Variants in DGKG observed in about 807,000 individuals in gnomAD.
The protein encoded by DGKG is DAG kinase gamma.
DGKG carries 78 observed loss-of-function variants against 105.3 expected under a neutral mutation model. The observed-to-expected ratio is 0.74, with a 90% CI of 0.62 to 0.89. The LOEUF is 0.89. Ranked by LOEUF, DGKG falls within the 40% of genes least tolerant of loss-of-function variation. DGKG has a pLI of 0.00. For missense variants in DGKG, 958 were observed against 1,020.1 expected (o/e 0.94, Z 0.83); for synonymous variants, 346 against 367.1 (o/e 0.94, Z 0.66).
intron 1 of DGKG, among the ~76,000 whole-genome samples, chr3:186,333,189 T>A (rs1012031516): frequency 1.3e-5 from 2 of 152,106 alleles, no homozygotes; most frequent in East Asian, 3.9e-4. Context: ...GTGGTCCTCA[T>A]CCCAGCAGCA....
chr3:186,199,314 A>C (rs1718334939), intron 21 of DGKG, among the ~76,000 whole-genome samples: 1 of 152,156 alleles, frequency 6.6e-6, no homozygotes, highest in African/African-American at 2.4e-5. Context: ...CTTACAGAAC[A>C]GTGGCTTCTC....
chr3:186,224,668 T>C (rs1719762290), intron 20 of DGKG, among the ~76,000 whole-genome samples: 1 of 152,178 alleles, frequency 6.6e-6, no homozygotes, highest in African/African-American at 2.4e-5. Context: ...AGCTCTACAA[T>C]ATCAAACAGA....
intron 24 of DGKG, chr3:186,161,200 G>A: frequency 1.0e-6 from 1 of 986,248 alleles, no homozygotes; most frequent in Non-Finnish European, 1.2e-6. Flanking sequence ...GTGTAGATTT[G>A]GCTTCCACGT....
intron 24 of DGKG, among the ~76,000 whole-genome samples, chr3:186,153,806 T>C (rs1051573369): frequency 2.0e-5 from 3 of 152,180 alleles, no homozygotes; most frequent in African/African-American, 7.2e-5. Context: ...CCCAAACCAT[T>C]TGAAAGGTGT....
chr3:186,153,953 A>T (rs1266148791), intron 24 of DGKG, among the ~76,000 whole-genome samples: 2 of 152,104 alleles, frequency 1.3e-5, no homozygotes, highest in Non-Finnish European at 2.9e-5. Context: ...AAAAATACAA[A>T]AATTAGCTAG....
chr3:186,253,972 C>T (rs1721342674), intron 17 of DGKG, among the ~76,000 whole-genome samples: 1 of 152,234 alleles, frequency 6.6e-6, no homozygotes, highest in South Asian at 2.1e-4. Context: ...ACTTCCACCA[C>T]CTCTCAGAAT....
chr3:186,299,829 CTTTCTTTCTTTT>C (rs529629569), intron 3 of DGKG, among the ~76,000 whole-genome samples: 2,857 of 107,760 alleles, frequency 0.027, 158 homozygotes, highest in African/African-American at 0.028. Flanking sequence ...TTCTTTCTTT[CTTTCTTTCTTTT>C]TTTTTTTTTT....
In DGKG at chr3:186,148,888, T is replaced by C. The variant is rs1715620517; in HGVS notation, c.*1202A>G. 2 of 983,342 alleles carry C rather than the reference T, an allele frequency of 2.0e-6. No individual in the cohort carries two copies. Among genetic ancestry groups the C allele is most frequent in the Non-Finnish European group, 2.4e-6 (2 of 829,256 alleles). 60.9% of individuals were successfully genotyped at this position (983,342 alleles called of 1,614,324 possible). ...GGGGAGTGAGAACCTTCTTTTTCCT[T>C]ACCACTTTCTGTCTCATACTACCTA... is the stretch of plus-strand genomic sequence containing the variant. On this transcript the variant is annotated 3_prime_UTR_variant, in exon 25 of 25. Coordinates refer to ENST00000265022, the MANE Select transcript of DGKG (RefSeq NM_001346.3).
intron 1 of DGKG, among the ~76,000 whole-genome samples, chr3:186,331,456 A>G (rs1238418980): frequency 2.0e-5 from 3 of 152,260 alleles, no homozygotes; most frequent in African/African-American, 7.2e-5. Flanking sequence ...TTAAATAAAC[A>G]TAAACACAAA....
chr3:186,233,195 G>A (rs1308411724), intron 20 of DGKG, among the ~76,000 whole-genome samples: 9 of 152,134 alleles, frequency 5.9e-5, no homozygotes, highest in Admixed American at 5.2e-4. Context: ...TTTTCTGGGT[G>A]GGTTCAGTGC....
chr3:186,262,902 G>C (rs1232186779), intron 14 of DGKG, among the ~76,000 whole-genome samples: 1 of 152,272 alleles, frequency 6.6e-6, no homozygotes, highest in South Asian at 2.1e-4. Context: ...GCCGGGGCAG[G>C]AGCATCACAA....
chr3:186,262,925 G>A (rs1470642097), intron 14 of DGKG, among the ~76,000 whole-genome samples: 6 of 151,996 alleles, frequency 3.9e-5, no homozygotes, highest in African/African-American at 1.2e-4. Flanking sequence ...TCAGAAGTTC[G>A]AGACCAGCCT....
chr3:186,165,048 T>C (rs1480330133), intron 22 of DGKG, 30 bp from the exon 23 acceptor site: 2 of 1,601,238 alleles, frequency 1.2e-6, no homozygotes, highest in African/African-American at 1.3e-5. Flanking sequence ...AAGTAGTGCA[T>C]ACACATCTCT....
chr3:186,331,869 A>G (rs1250562841), intron 1 of DGKG, among the ~76,000 whole-genome samples: 1 of 152,218 alleles, frequency 6.6e-6, no homozygotes, highest in Non-Finnish European at 1.5e-5. Context: ...GCGCTTTGCA[A>G]ACTTCATCTG....
chr3:186,335,113 C>G (rs1210571239), intron 1 of DGKG, among the ~76,000 whole-genome samples: 1 of 152,102 alleles, frequency 6.6e-6, no homozygotes, highest in Non-Finnish European at 1.5e-5. Context: ...ATTAGCTTGC[C>G]CAGGCTGGAG....
chr3:186,252,040 T>A, intron 18 of DGKG, 121 bp from the exon 19 acceptor site: 3 of 924,002 alleles, frequency 3.2e-6, no homozygotes, highest in Non-Finnish European at 3.1e-6. Context: ...CCCCACTGTG[T>A]CTGTGGGCTA....
intron 2 of DGKG, among the ~76,000 whole-genome samples, chr3:186,312,979 A>C (rs768779714): frequency 1.3e-5 from 2 of 151,904 alleles, no homozygotes; most frequent in African/African-American, 2.4e-5. Context: ...ATTGCCTGGC[A>C]AAAAAAATAG....
rs199552752 is a variant in DGKG at position 186,268,905 on chromosome 3, C to A, written c.1012G>T (p.Ala338Ser). ...AKRSGEVMQH[A>S]WVEGNSSVKC... ...ACGGAGGAGTTCCCTTCCACCCATG[C>A]GTGCTGCATCACCTGCGGGAGGGAA... Residue 338 changes from alanine to serine, a missense_variant, in exon 12 of 25, where the codon GCA becomes TCA. Physicochemically the swap from Ala to Ser is moderately conservative, Grantham distance 99. Around this residue, in one of 2 missense-constraint regions of DGKG, gnomAD observed 643 missense variants for 619.5 expected, o/e 1.04. Coordinates refer to ENST00000265022, the MANE Select transcript of DGKG (RefSeq NM_001346.3). 6.2e-7 allele frequency: 1 copy of A among 1,612,900 alleles called. No individual in the cohort carries two copies. Among genetic ancestry groups the A allele is most frequent in the Non-Finnish European group, 8.5e-7 (1 of 1,179,142 alleles).
intron 3 of DGKG, among the ~76,000 whole-genome samples, chr3:186,303,963 C>G (rs1002524413): frequency 1.3e-5 from 2 of 152,220 alleles, no homozygotes; most frequent in African/African-American, 4.8e-5. Context: ...GACATTACAC[C>G]TACTAGAAGT....
Sources: gnomAD v4.1 joint callset for allele counts (sites outside exome capture counted in the v4.1 genomes callset) on GRCh38, gnomAD v4.1.1 for gene constraint, gnomAD v4.1.1 regional missense constraint, MANE v1.5 for transcripts, NCBI Gene and HGNC (gene_info 2026-07-23, HGNC 2026-07-21) for gene names.